THRAP3: variants seen among roughly 807,000 people sequenced by gnomAD.
THRAP3 encodes thyroid hormone receptor-associated protein 3.
Under a neutral mutation model 101.0 loss-of-function variants are expected in THRAP3, and 16 were observed. The observed-to-expected ratio is 0.16, with a 90% CI of 0.11 to 0.24. THRAP3 has a LOEUF of 0.24. Ranked by LOEUF, THRAP3 falls within the 10% of genes least tolerant of loss-of-function variation. The pLI, the probability that THRAP3 is intolerant of heterozygous loss-of-function variation, is 1.00. For synonymous variants in THRAP3, 407 were observed against 422.6 expected, an observed-to-expected ratio of 0.96 and a Z score of 0.45; for missense variants, 989 against 1,202.7, an observed-to-expected ratio of 0.82 and a Z score of 2.63.
At chr1:36,243,296 A>G (rs956429364) in intron 1 of THRAP3, among the ~76,000 whole-genome samples, 1 of 151,684 alleles carries the variant, frequency 6.6e-6, no homozygotes, top group Non-Finnish European at 1.5e-5. Context: ...GTCAGCAGAT[A>G]AACAAGTGAA....
At chr1:36,260,290 A>G (rs1315281206) in intron 2 of THRAP3, among the ~76,000 whole-genome samples, 1 of 152,082 alleles carries the variant, frequency 6.6e-6, no homozygotes, top group Non-Finnish European at 1.5e-5. Context: ...AAAACACTAT[A>G]GTAGACATAC....
intron 4 of THRAP3, chr1:36,288,700 G>C: frequency 4.1e-6 from 4 of 985,484 alleles, no homozygotes; most frequent in Non-Finnish European, 4.8e-6. Context: ...TTAAGTGACT[G>C]AGTGAAGGTT....
chr1:36,258,275 CAG>C (rs778124391), intron 1 of THRAP3, among the ~76,000 whole-genome samples: 1 of 152,186 alleles, frequency 6.6e-6, no homozygotes. Context: ...AGTGAGGAAT[CAG>C]GGGAAGAAGT....
At chr1:36,240,748 G>A (rs1295815119) in intron 1 of THRAP3, among the ~76,000 whole-genome samples, 2 of 150,468 alleles carry the variant, frequency 1.3e-5, no homozygotes, top group Non-Finnish European at 3.0e-5. Context: ...TTTTTTTCTT[G>A]TGTATATTTT....
chr1:36,298,098 G>A (rs529453713), intron 9 of THRAP3, among the ~76,000 whole-genome samples: 1 of 130,950 alleles, frequency 7.6e-6, no homozygotes, highest in African/African-American at 2.8e-5. Context: ...ACTGAGCCGA[G>A]TTCTCAGCAC....
chr1:36,237,275 C>T (rs1258129552), intron 1 of THRAP3, among the ~76,000 whole-genome samples: 1 of 152,014 alleles, frequency 6.6e-6, no homozygotes, highest in Admixed American at 6.6e-5. Context: ...CAAGACCATC[C>T]TAGCCAGCAT....
chr1:36,223,836 T>C (rs1222274692), upstream of THRAP3, among the ~76,000 whole-genome samples: 1 of 151,986 alleles, frequency 6.6e-6, no homozygotes, highest in Non-Finnish European at 1.5e-5. Flanking sequence ...ACAATTAAAA[T>C]TAAAAAAACG....
chr1:36,210,560 G>A, the THRAP3 span, among the ~76,000 whole-genome samples: 1 of 141,758 alleles, frequency 7.1e-6, no homozygotes, highest in South Asian at 2.3e-4. Context: ...ATGTGGTGTC[G>A]TGCGCCTGTA....
intron 1 of THRAP3, among the ~76,000 whole-genome samples, chr1:36,243,761 C>A (rs1645194429): frequency 6.6e-6 from 1 of 150,918 alleles, no homozygotes; most frequent in African/African-American, 2.4e-5. Context: ...TCCTCACTTC[C>A]CAGTAGGGGC....
chr1:36,214,031 AAAGAAAGAAAG>A, the THRAP3 span, among the ~76,000 whole-genome samples: 1 of 146,790 alleles, frequency 6.8e-6, no homozygotes, highest in East Asian at 1.9e-4. Flanking sequence ...AGAAAGAAAG[AAAGAAAGAAAG>A]AAAGAAAGAA....
chr1:36,234,600 C>T (rs1645064244), intron 1 of THRAP3, among the ~76,000 whole-genome samples: 1 of 152,028 alleles, frequency 6.6e-6, no homozygotes, highest in African/African-American at 2.4e-5. Context: ...AATAGGGATG[C>T]ACTTCTTGGG....
intron 2 of THRAP3, among the ~76,000 whole-genome samples, chr1:36,269,838 A>G (rs1645565778): frequency 6.6e-6 from 1 of 151,942 alleles, no homozygotes; most frequent in African/African-American, 2.4e-5. Flanking sequence ...CAACCTCCCA[A>G]AGTGCTGGGA....
At chr1:36,246,855 A>C (rs1351960583) in intron 1 of THRAP3, among the ~76,000 whole-genome samples, 1 of 151,904 alleles carries the variant, frequency 6.6e-6, no homozygotes, top group Non-Finnish European at 1.5e-5. Flanking sequence ...TAAATAAATA[A>C]ATAAATAAAT....
At chr1:36,295,235 A>AG (rs1553125376) in intron 8 of THRAP3, among the ~76,000 whole-genome samples, 1 of 128,278 alleles carries the variant, frequency 7.8e-6, no homozygotes, top group Non-Finnish European at 1.7e-5. Context: ...AAAAAAAAAA[A>AG]GGAAAAAAAA....
chr1:36,286,304 T>C lies in THRAP3; in HGVS notation c.138-64T>C, dbSNP rs1486178677. ...TAAGGGCAGGGATTTCAGAACAGAT[T>C]TTTCTTGAATAAAAATGCTTGTGTC... On this transcript the variant is annotated intron_variant, in intron 3 of 11. Transcript: ENST00000354618. The surrounding 1 kb of genome is among the most constrained non-coding windows in gnomAD (Gnocchi z 5.5). 4 of 1,485,348 alleles carry C rather than the reference T, an allele frequency of 2.7e-6. No homozygotes were observed. Among genetic ancestry groups the C allele is most frequent in the Non-Finnish European group, 3.6e-6 (4 of 1,105,780 alleles). 92.0% of individuals were successfully genotyped at this position (1,485,348 alleles called of 1,614,324 possible).
At chr1:36,282,825 G>T in intron 3 of THRAP3, 125 bp downstream of exon 3, 1 of 1,010,804 alleles carries the variant, frequency 9.9e-7, no homozygotes, top group Non-Finnish European at 1.5e-6. Context: ...TGAGGTGCAG[G>T]GTTGGGCTAT....
At chr1:36,254,551 T>TC (rs1277126973) in intron 1 of THRAP3, among the ~76,000 whole-genome samples, 49 of 152,328 alleles carry the variant, frequency 3.2e-4, no homozygotes, top group African/African-American at 1.2e-3. Context: ...TATAACTGTG[T>TC]CACTGCAATT....
chr1:36,230,068 C>T (rs1431203907), intron 1 of THRAP3, among the ~76,000 whole-genome samples: 4 of 151,348 alleles, frequency 2.6e-5, no homozygotes, highest in Admixed American at 2.0e-4. Flanking sequence ...GATTGTCCTG[C>T]GTCAGCCTCC....
intron 1 of THRAP3, among the ~76,000 whole-genome samples, chr1:36,249,806 A>C (rs1027735393): frequency 2.6e-5 from 4 of 151,658 alleles, no homozygotes; most frequent in Non-Finnish European, 4.4e-5. Context: ...GTGGAACAGG[A>C]AAGTTCATTC....
Sources: gnomAD v4.1 joint callset for allele counts (sites outside exome capture counted in the v4.1 genomes callset) on GRCh38, gnomAD v4.1.1 for gene constraint, Gnocchi (gnomAD v3.1) non-coding constraint, MANE v1.5 for transcripts, NCBI Gene and HGNC (gene_info 2026-07-23, HGNC 2026-07-21) for gene names.